CFAP57: variants seen among roughly 807,000 people sequenced by gnomAD.
CFAP57 encodes the protein cilia- and flagella-associated protein 57.
CFAP57 carries 116 observed loss-of-function variants against 146.8 expected under a neutral mutation model. The ratio of observed to expected loss-of-function variants is 0.79; its 90% confidence interval spans 0.68 to 0.92. The LOEUF (loss-of-function observed/expected upper bound fraction) is 0.92. CFAP57 is among the 40% of genes least tolerant of loss of function. The pLI is 0.00. For missense variants in CFAP57, 1,377 were observed against 1,527.2 expected, an observed-to-expected ratio of 0.90 and a Z score of 1.64; for synonymous variants, 518 against 552.8, an observed-to-expected ratio of 0.94 and a Z score of 0.88.
intron 15 of CFAP57, 129 bp from the exon 16 acceptor site, chr1:43,222,695 T>C (rs1372273888): frequency 1.1e-5 from 12 of 1,105,164 alleles, no homozygotes; most frequent in Non-Finnish European, 1.5e-5. Flanking sequence ...ATGGTCTCCG[T>C]TTCTGGAATG....
intron 13 of CFAP57, 32 bp downstream of exon 13, chr1:43,219,569 A>G: frequency 6.5e-7 from 1 of 1,549,522 alleles, no homozygotes; most frequent in Non-Finnish European, 8.7e-7. Context: ...ACAAGCACAA[A>G]TAACAAGAAA....
chr1:43,243,113 TG>T, intron 21 of CFAP57, 113 bp from the exon 22 acceptor site: 1 of 1,265,492 alleles, frequency 7.9e-7, no homozygotes. Context: ...TCCAGAGTTC[TG>T]GATCCAGACC....
chr1:43,216,788 A>C (rs1473434901), intron 12 of CFAP57, among the ~76,000 whole-genome samples: 1 of 152,176 alleles, frequency 6.6e-6, no homozygotes, highest in Non-Finnish European at 1.5e-5. Flanking sequence ...ATTATAGTCT[A>C]AGTAACTCTC....
chr1:43,215,406 T>A lies in CFAP57; in HGVS notation c.2081T>A (p.Met694Lys). The change falls in exon 12 of 23, where the codon ATG (methionine) becomes AAG (lysine). Residue 694 changes from methionine (M) to lysine (K), a missense_variant. Met to Lys is a moderately conservative substitution (Grantham distance 95). Transcript: ENST00000372492. ...GAGGTGCTTGTGACTAAAACAGACA[T>A]GGAAGAAAAGGTAAGAACTGGATCT... ...AEEVLVTKTD[M>K]EEKAQVMLEL... 6.4e-7 allele frequency: 1 copy of A among 1,550,532 alleles called. No individual in the cohort carries two copies. The highest frequency in any genetic ancestry group is 8.7e-7 in the Non-Finnish European group (1 of 1,146,926).
intron 12 of CFAP57, among the ~76,000 whole-genome samples, 153 bp downstream of exon 12, chr1:43,215,569 A>AGCT (rs1412616579): frequency 6.6e-6 from 1 of 152,022 alleles, no homozygotes; most frequent in Admixed American, 6.6e-5. Flanking sequence ...CCCCACAACC[A>AGCT]AGCTCTCCTC....
chr1:43,224,255 G>A (rs1570223411), intron 17 of CFAP57, 51 bp downstream of exon 17: 18 of 1,470,304 alleles, frequency 1.2e-5, no homozygotes, highest in Non-Finnish European at 1.4e-5. Flanking sequence ...GGGCCAAGGC[G>A]AGGAAGGCAA....
intron 6 of CFAP57, among the ~76,000 whole-genome samples, chr1:43,191,503 C>T (rs1051186343): frequency 1.3e-4 from 19 of 147,890 alleles, no homozygotes; most frequent in African/African-American, 4.8e-4. Flanking sequence ...AGGAGAATGG[C>T]GTGAACCCGG....
intron 11 of CFAP57, chr1:43,210,477 G>A: frequency 1.0e-6 from 1 of 964,586 alleles, no homozygotes; most frequent in Non-Finnish European, 1.3e-6. Context: ...CTATACAATG[G>A]AACAATACCC....
intron 22 of CFAP57, among the ~76,000 whole-genome samples, chr1:43,249,421 CTTTTTTTTTTTT>C (rs60189164): frequency 1.2e-4 from 8 of 67,924 alleles, no homozygotes; most frequent in African/African-American, 3.9e-4. Context: ...TTAACCATTT[CTTTTTTTTTTTT>C]TTTTTTTTTT....
chr1:43,205,771 C>T (rs1644332458), intron 9 of CFAP57, among the ~76,000 whole-genome samples: 1 of 152,012 alleles, frequency 6.6e-6, no homozygotes, highest in Non-Finnish European at 1.5e-5. Flanking sequence ...AGACCGAAAC[C>T]ATAGCCCAAG....
chr1:43,221,575 T>A lies in CFAP57; in HGVS notation c.2341+110T>A, dbSNP rs897149460. ...AGAAGTCTCAGGGAATATGGCTCTG[T>A]CTAAAAACAGGCTACATGTATCCCC... On this transcript the variant is annotated intron_variant, in intron 14 of 22. Coordinates refer to ENST00000372492, the MANE Select transcript of CFAP57 (RefSeq NM_001378189.1). 7 of 659,648 alleles carry A rather than the reference T, an allele frequency of 1.1e-5. No individual in the cohort carries two copies. The African/African-American group carries it at 1.3e-4, about 12-fold the overall frequency. 40.9% of individuals were successfully genotyped at this position (659,648 alleles called of 1,614,324 possible).
At chr1:43,209,096 T>C (rs1644483521) in intron 10 of CFAP57, among the ~76,000 whole-genome samples, 1 of 152,212 alleles carries the variant, frequency 6.6e-6, no homozygotes, top group African/African-American at 2.4e-5. Context: ...AACCATATCA[T>C]AGTTATGTAC....
At chr1:43,222,783 T>A (rs1645097703) in intron 15 of CFAP57, 41 bp from the exon 16 acceptor site, 1 of 1,474,558 alleles carries the variant, frequency 6.8e-7, no homozygotes, top group African/African-American at 1.4e-5. Flanking sequence ...GATGTGTGAG[T>A]CCCTTCTCCC....
intron 2 of CFAP57, chr1:43,176,974 G>A (rs529089893): frequency 1.9e-4 from 70 of 364,520 alleles, no homozygotes; most frequent in African/African-American, 1.4e-3. Context: ...GGTAAGAACC[G>A]GGGGGTGAGG....
At chr1:43,232,903 G>A (rs2124612892) in intron 19 of CFAP57, among the ~76,000 whole-genome samples, 1 of 152,378 alleles carries the variant, frequency 6.6e-6, no homozygotes, top group African/African-American at 2.4e-5. Context: ...TTCTTTGGAG[G>A]AGGAAAGTAC....
chr1:43,189,129 T>C (rs1271127877), intron 6 of CFAP57, among the ~76,000 whole-genome samples: 2 of 152,250 alleles, frequency 1.3e-5, no homozygotes, highest in Non-Finnish European at 1.5e-5. Context: ...AGTACCACAC[T>C]GTCTTGATTA....
rs376428172 is a variant in CFAP57 at position 43,206,852 on chromosome 1, T to A, written c.1675T>A (p.Cys559Ser). The part of the protein sequence containing the change: ...ECVLKSCSYN[C>S]VTVSPDAKII... ...CGTGCTCAAGTCTTGCAGCTACAAC[T>A]GTGTTACTGTCTCCCCCGATGCCAA... The change falls in exon 10 of 23, where the codon TGT becomes AGT. Residue 559 changes from cysteine to serine, a missense_variant. Physicochemically the swap from Cys to Ser is moderately radical, Grantham distance 112. Transcript: ENST00000372492. The A allele has an allele frequency of 1.9e-6, 3 of 1,614,056 alleles. No individual in the cohort carries two copies. Among genetic ancestry groups the A allele is most frequent in the Non-Finnish European group, 2.5e-6 (3 of 1,180,020 alleles).
chr1:43,215,558 TC>T, intron 12 of CFAP57, 142 bp downstream of exon 12: 1 of 963,980 alleles, frequency 1.0e-6, no homozygotes, highest in Non-Finnish European at 1.5e-6. Context: ...ACATCTGCTG[TC>T]CCCACAACCA....
At chr1:43,252,053 ATAAAT>A (rs1235323078) in intron 22 of CFAP57, among the ~76,000 whole-genome samples, 4 of 152,198 alleles carry the variant, frequency 2.6e-5, no homozygotes, top group Admixed American at 2.0e-4. Context: ...ATTTTCATAA[ATAAAT>A]TAATAAAATA....
Sources: allele counts gnomAD v4.1 joint callset (sites outside exome capture counted in the v4.1 genomes callset), GRCh38; gene constraint gnomAD v4.1.1; transcripts MANE v1.5; gene names NCBI Gene and HGNC (gene_info 2026-07-23, HGNC 2026-07-21).